CATSPERB: variants seen among roughly 807,000 people sequenced by gnomAD.
CATSPERB encodes the protein catsper channel auxiliary subunit beta, also known as cation channel sperm-associated auxiliary subunit beta.
CATSPERB carries 93 observed loss-of-function variants against 128.3 expected under a neutral mutation model. The ratio of observed to expected loss-of-function variants is 0.72; its 90% confidence interval spans 0.61 to 0.86. The LOEUF is 0.86. Ranked by LOEUF, CATSPERB falls within the 40% of genes least tolerant of loss-of-function variation. The probability of loss-of-function intolerance (pLI) is 0.00; values close to 1 mark genes in which losing one functional copy is unlikely to be tolerated. For missense variants in CATSPERB, 1,153 were observed against 1,329.5 expected, an observed-to-expected ratio of 0.87 and a Z score of 2.06; for synonymous variants, 381 against 448.8, an observed-to-expected ratio of 0.85 and a Z score of 1.91.
At chr14:91,706,585 G>A (rs561786270) in intron 6 of CATSPERB, among the ~76,000 whole-genome samples, 1 of 152,266 alleles carries the variant, frequency 6.6e-6, no homozygotes, top group South Asian at 2.1e-4. Flanking sequence ...TGGAGGAGAT[G>A]GAAACAAATG....
At chr14:91,633,490 TG>T (rs1338775853) in intron 17 of CATSPERB, among the ~76,000 whole-genome samples, 1 of 151,850 alleles carries the variant, frequency 6.6e-6, no homozygotes, top group African/African-American at 2.4e-5. Context: ...AAGGGCAATA[TG>T]AGAAAGAAAA....
At chr14:91,624,690 T>C (rs573093269) in intron 18 of CATSPERB, 130 bp downstream of exon 18, 520 of 617,896 alleles carry the variant, frequency 8.4e-4, no homozygotes, top group Non-Finnish European at 1.2e-3. Context: ...ATATGTAAAC[T>C]TTGGTAGGTT....
At chr14:91,643,074 A>T in intron 15 of CATSPERB, among the ~76,000 whole-genome samples, 1 of 57,242 alleles carries the variant, frequency 1.7e-5, no homozygotes, top group Non-Finnish European at 3.5e-5. Context: ...ATCATTTTTT[A>T]TTGTGTCTAT....
At chr14:91,694,438 C>CAAAAAAAAAAAAA (rs547649333) in intron 7 of CATSPERB, among the ~76,000 whole-genome samples, 1 of 65,748 alleles carries the variant, frequency 1.5e-5, no homozygotes, top group East Asian at 4.9e-4. Flanking sequence ...GACCCTATCT[C>CAAAAAAAAAAAAA]AAAAAAAAAA....
At chr14:91,691,170 C>G (rs1323724424) in intron 10 of CATSPERB, among the ~76,000 whole-genome samples, 1 of 152,074 alleles carries the variant, frequency 6.6e-6, no homozygotes, top group African/African-American at 2.4e-5. Flanking sequence ...AGCCAGACCC[C>G]ACCACCTTAC....
intron 22 of CATSPERB, chr14:91,592,220 A>T: frequency 1.9e-6 from 1 of 537,896 alleles, no homozygotes; most frequent in South Asian, 2.2e-5. Context: ...AGTATTACTC[A>T]GCCGCTTGCC....
chr14:91,621,738 T>C lies in CATSPERB; in HGVS notation c.2130A>G (p.Thr710=), dbSNP rs1328515126. 1.2e-6 allele frequency: 2 copies of C among 1,614,048 alleles called. No homozygotes were observed. The highest frequency in any genetic ancestry group is 1.7e-6 in the Non-Finnish European group (2 of 1,180,002). ...TACATGGTTTTGAATATATTTTCCA[T>C]GTTCGTCCATTCCTTTGCCCAAAGT... ...LYNFGQRNGR[T]WKIYSKPCNY... is the part of the protein sequence containing the mutation. Residue 710 remains threonine, a synonymous_variant, in exon 19 of 27, where the codon ACA becomes ACG. Transcript: ENST00000256343.
intron 6 of CATSPERB, among the ~76,000 whole-genome samples, chr14:91,707,758 C>G (rs1045124545): frequency 6.7e-6 from 1 of 149,914 alleles, no homozygotes; most frequent in African/African-American, 2.5e-5. Flanking sequence ...ATCACCATGC[C>G]TGGTTAACTT....
intron 9 of CATSPERB, among the ~76,000 whole-genome samples, chr14:91,692,429 T>A (rs577816680): frequency 3.3e-5 from 5 of 152,290 alleles, no homozygotes; most frequent in East Asian, 3.9e-4. Flanking sequence ...ATAAGCATTT[T>A]AAAAACCCCA....
chr14:91,593,885 CA>C (rs748146498), intron 22 of CATSPERB, among the ~76,000 whole-genome samples: 9 of 140,582 alleles, frequency 6.4e-5, no homozygotes, highest in African/African-American at 1.6e-4. Flanking sequence ...GGAAGGGACC[CA>C]GGGGGAAGTC....
intron 22 of CATSPERB, among the ~76,000 whole-genome samples, chr14:91,598,857 C>CAA (rs377460093): frequency 0.6 from 65,769 of 109,214 alleles, 20,075 homozygotes; most frequent in East Asian, 0.92. Context: ...GACTCTGTCT[C>CAA]AAAAAAAAAA....
At chr14:91,622,099 A>G (rs116632906) in intron 18 of CATSPERB, among the ~76,000 whole-genome samples, 162 bp from the exon 19 acceptor site, 17 of 152,344 alleles carry the variant, frequency 1.1e-4, no homozygotes, top group African/African-American at 4.1e-4. Context: ...ATTATTTTAT[A>G]GAAAGTTTAT....
At chr14:91,679,147 A>G (rs775979191) in intron 11 of CATSPERB, among the ~76,000 whole-genome samples, 13 of 152,184 alleles carry the variant, frequency 8.5e-5, no homozygotes, top group Non-Finnish European at 1.5e-4. Context: ...GTCATTTCCA[A>G]CTAAAAACGG....
Position 91,589,669 on chromosome 14 carries a change from C to A in CATSPERB, c.2821G>T (p.Val941Phe), listed in dbSNP as rs1400908750. ...GTAATTGGAAACTTAAAGCGAGGAA[C>A]CTAAAATACAAATTCCAAGAATGAA... The part of the protein sequence containing the change: ...AVAFSDCREK[V>F]PRFKFPITQY... The change falls in exon 24 of 27, where the codon GTT (valine) becomes TTT (phenylalanine). Residue 941 changes from valine (V) to phenylalanine (F), a missense_variant and splice_region_variant. Transcript: ENST00000256343. The A allele has an allele frequency of 1.9e-6, 3 of 1,610,938 alleles. No individual in the cohort carries two copies. The highest frequency in any genetic ancestry group is 1.1e-5 in the South Asian group (1 of 90,244).
intron 18 of CATSPERB, among the ~76,000 whole-genome samples, chr14:91,622,841 A>G (rs552878653): frequency 6.7e-6 from 1 of 149,556 alleles, no homozygotes; most frequent in African/African-American, 2.5e-5. Flanking sequence ...TTCCAATCAG[A>G]CTTTTGTCTA....
intron 17 of CATSPERB, 121 bp downstream of exon 17, chr14:91,636,304 A>G: frequency 1.2e-6 from 1 of 823,248 alleles, no homozygotes; most frequent in East Asian, 2.5e-5. Context: ...TTGAGGCTGC[A>G]GTGAGCTGTC....
At chr14:91,655,256 A>C (rs1256313715) in intron 15 of CATSPERB, among the ~76,000 whole-genome samples, 1 of 152,162 alleles carries the variant, frequency 6.6e-6, no homozygotes, top group Non-Finnish European at 1.5e-5. Flanking sequence ...ATAAATACCA[A>C]ACTCTTTAAT....
intron 4 of CATSPERB, among the ~76,000 whole-genome samples, chr14:91,722,616 A>G (rs1050515790): frequency 1.3e-5 from 2 of 152,136 alleles, no homozygotes; most frequent in Non-Finnish European, 2.9e-5. Flanking sequence ...TATACTAAAA[A>G]CTATTTAAGT....
At chr14:91,623,923 C>T (rs1426490451) in intron 18 of CATSPERB, among the ~76,000 whole-genome samples, 3 of 152,192 alleles carry the variant, frequency 2.0e-5, no homozygotes, top group African/African-American at 7.2e-5. Flanking sequence ...GCAAAATCTG[C>T]AGGAACTTCC....
Sources: allele counts gnomAD v4.1 joint callset (sites outside exome capture counted in the v4.1 genomes callset), GRCh38; gene constraint gnomAD v4.1.1; transcripts MANE v1.5; gene names NCBI Gene and HGNC (gene_info 2026-07-23, HGNC 2026-07-21).